Variants in RPGR observed in about 807,000 individuals in gnomAD.
RPGR encodes the protein retinitis pigmentosa GTPase regulator.
RPGR carries 10 observed loss-of-function variants against 56.3 expected under a neutral mutation model. That is an observed-to-expected ratio of 0.18 (90% CI 0.11 to 0.30). RPGR has a LOEUF of 0.30. Ranked by LOEUF, RPGR falls within the 10% of genes least tolerant of loss-of-function variation. The pLI is 1.00. For synonymous variants in RPGR, 197 were observed against 212.9 expected, an observed-to-expected ratio of 0.93 and a Z score of 0.65; for missense variants, 538 against 590.9, an observed-to-expected ratio of 0.91 and a Z score of 0.93.
intron 15 of RPGR, among the ~76,000 whole-genome samples, chrX:38,281,472 C>T (rs7890005): frequency 0.062 from 6,900 of 111,876 alleles, 396 homozygotes; most frequent in African/African-American, 0.19. Flanking sequence ...TTTATTCCCA[C>T]AGATCTATTT....
At chrX:38,292,665 G>A (rs1295030734) in intron 11 of RPGR, among the ~76,000 whole-genome samples, 1 of 112,241 alleles carries the variant, frequency 8.9e-6, no homozygotes. Context: ...AAACATGTTT[G>A]GGTATACATA....
chrX:38,315,832 T>TAG (rs1439593913), intron 6 of RPGR, among the ~76,000 whole-genome samples: 2 of 89,183 alleles, frequency 2.2e-5, no homozygotes, highest in African/African-American at 1.0e-4. Context: ...TATATATATA[T>TAG]ATATATAGAG....
chrX:38,326,741 C>G (rs1330655690), intron 1 of RPGR: 1 of 111,115 alleles, frequency 9.0e-6, no homozygotes, highest in East Asian at 2.8e-4. Flanking sequence ...GTCTGGAGTC[C>G]GCACTTTGGG....
Position 38,269,395 on chromosome X carries a change from A to C in RPGR, c.*231T>G. 1 of 334,400 alleles carries C rather than the reference A, an allele frequency of 3.0e-6. No individual in the cohort carries two copies. Among genetic ancestry groups the C allele is most frequent in the Non-Finnish European group, 5.2e-6 (1 of 194,074 alleles). The allele number at this position is 334,400 out of a possible 1,213,427, so 27.6% of individuals were successfully genotyped here. On this transcript the variant is annotated 3_prime_UTR_variant, in exon 19 of 19. Transcript: ENST00000642395. The stretch of plus-strand genomic sequence containing the variant: ...TTTTTTATTGCAATACTGAACAGTT[A>C]AGGCCACAACACTTTAGGGAGAATT...
chrX:38,294,229 T>C (rs760377178), intron 11 of RPGR, among the ~76,000 whole-genome samples: 12 of 111,719 alleles, frequency 1.1e-4, no homozygotes, highest in Non-Finnish European at 1.7e-4. Flanking sequence ...TCCCACCTCC[T>C]GCCTTACTGG....
chrX:38,288,942 C>T (rs1272614110), intron 13 of RPGR, among the ~76,000 whole-genome samples: 9 of 109,463 alleles, frequency 8.2e-5, no homozygotes, highest in Admixed American at 2.9e-4. Context: ...CCACCACATC[C>T]AGCTAACTTT....
chrX:38,313,217 C>T (rs1013672634), intron 6 of RPGR, among the ~76,000 whole-genome samples: 14 of 111,532 alleles, frequency 1.3e-4, no homozygotes, highest in Admixed American at 7.6e-4. Flanking sequence ...TATGTCCTGA[C>T]GCCCCTAACA....
intron 6 of RPGR, among the ~76,000 whole-genome samples, chrX:38,311,239 G>A (rs1465924112): frequency 8.9e-6 from 1 of 112,234 alleles, no homozygotes; most frequent in Non-Finnish European, 1.9e-5. Flanking sequence ...TCTTAAGATA[G>A]CAGATTTTAC....
rs779568891 is a variant in RPGR at position 38,316,489 on chromosome X, T to C, written c.619+827A>G. ...TTGTTTGGTTGGCTTATTTTCCCAT[T>C]TGTGTTTTTGTTTCATGAACAAAGC... On this transcript the variant is annotated intron_variant, in intron 6 of 18. Transcript: ENST00000642395. 8.0e-5 allele frequency among the ~76,000 whole-genome samples: 9 copies of C among 111,980 alleles called. No individual in the cohort carries two copies. In the South Asian group the frequency reaches 1.1e-3, roughly 14 times the overall value.
intron 6 of RPGR, among the ~76,000 whole-genome samples, chrX:38,311,619 T>A (rs975465054): frequency 9.0e-6 from 1 of 111,455 alleles, no homozygotes; most frequent in Admixed American, 9.6e-5. Context: ...GGAGTGTTCT[T>A]TATGTGAATG....
At chrX:38,313,748 G>A (rs1002922738) in intron 6 of RPGR, among the ~76,000 whole-genome samples, 3 of 111,784 alleles carry the variant, frequency 2.7e-5, no homozygotes, top group African/African-American at 9.8e-5. Flanking sequence ...GAGTGGTTGG[G>A]AGATTAAATG....
At chrX:38,308,786 GA>G (rs1225639238) in intron 7 of RPGR, among the ~76,000 whole-genome samples, 4 of 110,466 alleles carry the variant, frequency 3.6e-5, no homozygotes, top group African/African-American at 6.6e-5. Context: ...TATAAGTTTT[GA>G]AAAAAAATTA....
At position 38,301,314 on chromosome X, in the gene RPGR, A is replaced by C; in HGVS notation, c.992T>G (p.Leu331Arg). ...AATGAAGTGATTGGTAAAATTCTCC[A>C]GTCCAAGTCCTAATTTTCCGTGGCG... Residue 331 changes from leucine (L) to arginine (R), a missense_variant, in exon 9 of 19, where the codon CTG becomes CGG. Physicochemically the swap from Leu to Arg is moderately radical, Grantham distance 102 (BLOSUM62 -2). Coordinates refer to ENST00000642395, the MANE Select transcript of RPGR (RefSeq NM_000328.3). 8.3e-7 allele frequency: 1 copy of C among 1,204,363 alleles called. No homozygotes were observed. Among genetic ancestry groups the C allele is most frequent in the South Asian group, 1.8e-5 (1 of 56,826 alleles).
chrX:38,298,532 C>G (rs1317090439), intron 10 of RPGR: 2 of 254,862 alleles, frequency 7.8e-6, no homozygotes, highest in Non-Finnish European at 1.4e-5. Flanking sequence ...CTATAGTCAA[C>G]AATACCGTAT....
chrX:38,277,880 C>T lies in RPGR; in HGVS notation c.1906-1108G>A, dbSNP rs749242591. Among the ~76,000 whole-genome samples, 8 of 111,736 alleles carry T rather than the reference C, an allele frequency of 7.2e-5. No homozygotes were observed. In the South Asian group the frequency reaches 1.5e-3, roughly 21 times the overall value. ...TTTCTTCTGGTAAAAATATAAAATG[C>T]GAGAGTCCAGGCTAGGAAGAGGATG... On this transcript the variant is annotated intron_variant, in intron 15 of 18. Transcript: ENST00000642395.
At chrX:38,324,583 A>T (rs2068009176) in intron 1 of RPGR, among the ~76,000 whole-genome samples, 1 of 109,238 alleles carries the variant, frequency 9.2e-6, no homozygotes, top group African/African-American at 3.3e-5. Flanking sequence ...TGTAAGGATT[A>T]AATGAGATGA....
chrX:38,298,200 G>A (rs969469588), intron 10 of RPGR: 27 of 212,744 alleles, frequency 1.3e-4, no homozygotes, highest in Non-Finnish European at 1.9e-4. Flanking sequence ...AACCCAGGAG[G>A]TGGAGGTTGC....
In RPGR at chrX:38,269,327, A is replaced by T; in HGVS notation, c.*299T>A. On this transcript the variant is annotated 3_prime_UTR_variant, in exon 19 of 19. Transcript: ENST00000642395. ...AAAGAAGTAAAATTGTTTAGTAAAA[A>T]CTAGGAAATATCTTATTTCAATTTT... is the stretch of plus-strand genomic sequence containing the variant. The T allele has an allele frequency of 6.4e-6, 1 of 157,257 alleles. No homozygotes were observed. Among genetic ancestry groups the T allele is most frequent in the East Asian group, 1.4e-4 (1 of 6,951 alleles). 13.0% of individuals were successfully genotyped at this position (157,257 alleles called of 1,213,427 possible).
intron 6 of RPGR, among the ~76,000 whole-genome samples, chrX:38,311,250 C>T (rs916936303): frequency 8.9e-6 from 1 of 111,860 alleles, no homozygotes; most frequent in African/African-American, 3.2e-5. Flanking sequence ...CAGATTTTAC[C>T]CATTTAGATG....
Sources: gnomAD v4.1 joint callset for allele counts (sites outside exome capture counted in the v4.1 genomes callset) on GRCh38, gnomAD v4.1.1 for gene constraint, MANE v1.5 for transcripts, NCBI Gene and HGNC (gene_info 2026-07-23, HGNC 2026-07-21) for gene names.